Variants in MYO7A observed in about 807,000 individuals in gnomAD.
MYO7A encodes myosin VIIA.
MYO7A carries 210 observed loss-of-function variants against 263.8 expected under a neutral mutation model. That is an observed-to-expected ratio of 0.80 (90% confidence interval 0.71 to 0.89). MYO7A has a LOEUF of 0.89. MYO7A is among the 40% of genes least tolerant of loss of function. The probability of loss-of-function intolerance (pLI) is 0.00; values close to 1 mark genes in which losing one functional copy is unlikely to be tolerated. For synonymous variants in MYO7A, 1,239 were observed against 1,197.3 expected (o/e 1.03, Z -0.72); for missense variants, 2,820 against 2,968.3 (o/e 0.95, Z 1.16).
At chr11:77,142,954 C>G in intron 3 of MYO7A, 132 bp downstream of exon 3, 1 of 744,714 alleles carries the variant, frequency 1.3e-6, no homozygotes, top group Non-Finnish European at 2.3e-6. Context: ...CTCTCAGATG[C>G]CCCCTTCCAT....
rs111033238 is a variant in MYO7A, at chr11:77,156,766, AC to A, written c.582del (p.Ile195PhefsTer68). 1 of 1,613,834 alleles carries A rather than the reference AC, an allele frequency of 6.2e-7. No individual in the cohort carries two copies. The highest frequency in any genetic ancestry group is 8.5e-7 in the Non-Finnish European group (1 of 1,179,868). ...GATTGAGCAGCAGGTCTTGGAGGCC[AC>A]CCCCATTCTGGAAGGTAGGACCAGA... ...SWIEQQVLEA[T>X]PILEAFGNAK... On this transcript the variant is annotated frameshift_variant, in exon 6 of 49. Coordinates refer to ENST00000409709, the MANE Select transcript of MYO7A (RefSeq NM_000260.4). LOFTEE classifies it high-confidence loss of function.
chr11:77,192,194 C>T lies in MYO7A; in HGVS notation c.4068C>T (p.Ser1356=), dbSNP rs932299310. ...AAGAGGTCTTCACGCCCTGGCACAG[C>T]CCCTCCGAGGACAACGTGGCCACCA... ...FRKEVFTPWH[S]PSEDNVATNL... The change falls in exon 31 of 49, where the codon AGC becomes AGT. Residue 1356 remains serine, a synonymous_variant. Transcript: ENST00000409709. 2 of 1,614,064 alleles carry T rather than the reference C, an allele frequency of 1.2e-6. No homozygotes were observed. Among genetic ancestry groups the T allele is most frequent in the Admixed American group, 3.3e-5 (2 of 60,036 alleles).
In MYO7A at chr11:77,158,280, A is replaced by G. The variant is rs367684040; in HGVS notation, c.853A>G (p.Asn285Asp). The G allele has an allele frequency of 1.9e-6, 3 of 1,595,206 alleles. No homozygotes were observed. In the African/African-American group the frequency reaches 4.0e-5, roughly 21 times the overall value. Residue 285 changes from asparagine to aspartate, a missense_variant, in exon 9 of 49, where the codon AAC (asparagine) becomes GAC (aspartate). Physicochemically the swap from Asn to Asp is conservative, Grantham distance 23. Coordinates refer to ENST00000409709, the MANE Select transcript of MYO7A (RefSeq NM_000260.4). ...ASDYNYLAMG[N>D]CITCEGRVDS... ...ACTCTCCCACCCTGCCCACCAGGGT[A>G]ACTGCATAACCTGTGAGGGCCGGGT...
rs774333424 is a variant in MYO7A at position 77,204,246 on chromosome 11, G to A, written c.5480+17G>A. ...CCACATCAGGTGAGCCAGGCACAGT[G>A]GGCGGATGAGGGGCAGACCTCACCT... On this transcript the variant is annotated intron_variant, in intron 39 of 48. Coordinates refer to ENST00000409709, the MANE Select transcript of MYO7A (RefSeq NM_000260.4). 2 of 1,559,830 alleles carry A rather than the reference G, an allele frequency of 1.3e-6. No homozygotes were observed. The highest frequency in any genetic ancestry group is 2.7e-5 in the African/African-American group (2 of 73,490).
intron 4 of MYO7A, 102 bp downstream of exon 4, chr11:77,148,052 G>C: frequency 9.0e-7 from 1 of 1,110,936 alleles, no homozygotes; most frequent in Non-Finnish European, 1.2e-6. Flanking sequence ...GCCCTGCCGG[G>C]GCCCTGCCTC....
chr11:77,184,566 C>T, intron 26 of MYO7A, 22 bp from the exon 27 acceptor site: 1 of 1,553,076 alleles, frequency 6.4e-7, no homozygotes, highest in Non-Finnish European at 8.7e-7. Flanking sequence ...TTTACCTGCC[C>T]TGTCCTCTCC....
At chr11:77,185,551 C>G (rs536140844) in intron 27 of MYO7A, among the ~76,000 whole-genome samples, 1 of 152,362 alleles carries the variant, frequency 6.6e-6, no homozygotes, top group South Asian at 2.1e-4. Context: ...GGCCCCACTT[C>G]TCATTCTAGT....
intron 36 of MYO7A, 89 bp downstream of exon 36, chr11:77,201,727 C>G: frequency 1.5e-6 from 2 of 1,353,620 alleles, no homozygotes; most frequent in South Asian, 1.4e-5. Flanking sequence ...GGTTAACGGT[C>G]TAGTGCATCT....
chr11:77,133,104 G>A (rs1462414582), intron 2 of MYO7A, among the ~76,000 whole-genome samples: 3 of 152,160 alleles, frequency 2.0e-5, no homozygotes, highest in African/African-American at 4.8e-5. Context: ...GAGTCTCCAG[G>A]GGGCACGGGG....
In MYO7A at chr11:77,142,701, G is replaced by A. The variant is rs782547470; in HGVS notation, c.19-8G>A. The A allele has an allele frequency of 6.4e-5, 102 of 1,603,424 alleles. No homozygotes were observed. Among genetic ancestry groups the A allele is most frequent in the South Asian group, 5.8e-4 (51 of 88,638 alleles). On this transcript the variant is annotated splice_region_variant and splice_polypyrimidine_tract_variant and intron_variant, in intron 2 of 48. Coordinates refer to ENST00000409709, the MANE Select transcript of MYO7A (RefSeq NM_000260.4). ...CTCACCTGGGCTGAGACTCTCTCTC[G>A]CCCATAGGGGGACCATGTGTGGATG...
At chr11:77,186,550 T>C (rs1955659669) in intron 27 of MYO7A, among the ~76,000 whole-genome samples, 1 of 152,232 alleles carries the variant, frequency 6.6e-6, no homozygotes, top group African/African-American at 2.4e-5. Flanking sequence ...AGACAGCTTC[T>C]TGCTTTGAAC....
chr11:77,160,978 C>T lies in MYO7A; in HGVS notation c.1206C>T (p.Ile402=). ...GGCTGATCACTGCCTTTCAGGGGAT[C>T]TACGGGCGGCTGTTCGTGTGGATTG... The part of the protein sequence containing the change: ...LDVRDAFVKG[I]YGRLFVWIVD... The change falls in exon 12 of 49, where the codon ATC becomes ATT. Residue 402 remains isoleucine (I), a synonymous_variant. Transcript: ENST00000409709. 1 of 1,600,870 alleles carries T rather than the reference C, an allele frequency of 6.2e-7. No homozygotes were observed. The highest frequency in any genetic ancestry group is 8.5e-7 in the Non-Finnish European group (1 of 1,174,354).
intron 11 of MYO7A, 114 bp from the exon 12 acceptor site, chr11:77,160,859 C>A: frequency 8.0e-7 from 1 of 1,255,076 alleles, no homozygotes; most frequent in Middle Eastern, 2.7e-4. Context: ...GGGGGTTTCA[C>A]ACGGCACTTT....
At chr11:77,213,773 G>A in intron 47 of MYO7A, 87 bp from the exon 48 acceptor site, 7 of 1,590,608 alleles carry the variant, frequency 4.4e-6, no homozygotes, top group Non-Finnish European at 5.2e-6. Flanking sequence ...TCCTCTGAGG[G>A]CCTGAGGCCT....
At chr11:77,157,058 G>T in intron 7 of MYO7A, 54 bp downstream of exon 7, 1 of 1,585,494 alleles carries the variant, frequency 6.3e-7, no homozygotes, top group Non-Finnish European at 8.6e-7. Context: ...GGCCTCAGGG[G>T]TCTGCGTGGC....
intron 28 of MYO7A, among the ~76,000 whole-genome samples, chr11:77,189,726 C>A (rs1250730836): frequency 6.6e-6 from 1 of 152,244 alleles, no homozygotes; most frequent in Non-Finnish European, 1.5e-5. Context: ...GCACCCTCGT[C>A]TTGGGGCAGG....
At chr11:77,207,015 G>C in intron 41 of MYO7A, 1 of 349,480 alleles carries the variant, frequency 2.9e-6, no homozygotes, top group African/African-American at 2.1e-5. Context: ...TGTGCTCCCT[G>C]GACCCCTCAC....
At position 77,211,133 on chromosome 11, in the gene MYO7A, C is replaced by A. The variant is rs1381010584; in HGVS notation, c.6052-19C>A. On this transcript the variant is annotated intron_variant, in intron 44 of 48. Coordinates refer to ENST00000409709, the MANE Select transcript of MYO7A (RefSeq NM_000260.4). ...CTGCCAGGTCCCTGCACGCCTGTGACCTGCTCTGTCTCTGACAGGAGTTGC... is the reference window on the plus strand; with the variant it reads ...CTGCCAGGTCCCTGCACGCCTGTGAACTGCTCTGTCTCTGACAGGAGTTGC... The A allele has an allele frequency of 1.3e-6, 2 of 1,549,346 alleles. No individual in the cohort carries two copies. The highest frequency in any genetic ancestry group is 2.4e-5 in the East Asian group (1 of 41,676).
chr11:77,179,455 T>C (rs1418112718), intron 20 of MYO7A, among the ~76,000 whole-genome samples: 1 of 152,190 alleles, frequency 6.6e-6, no homozygotes, highest in Non-Finnish European at 1.5e-5. Flanking sequence ...TTAGGACTTG[T>C]TGGGGCTGGA....
Sources: gnomAD v4.1 joint callset for allele counts (sites outside exome capture counted in the v4.1 genomes callset) on GRCh38, gnomAD v4.1.1 for gene constraint, MANE v1.5 for transcripts, NCBI Gene and HGNC (gene_info 2026-07-23, HGNC 2026-07-21) for gene names.